Variants in REPS2 observed in about 807,000 individuals in gnomAD.
REPS2 encodes the protein RALBP1 associated Eps domain containing 2, also known as ralBP1-associated Eps domain-containing protein 2.
In REPS2, 23 loss-of-function variants were observed where a neutral mutation model predicts 53.6. The ratio of observed to expected loss-of-function variants is 0.43; its 90% CI spans 0.31 to 0.61. The LOEUF (loss-of-function observed/expected upper bound fraction) is 0.61. REPS2 is among the 20% of genes least tolerant of loss of function. The probability of loss-of-function intolerance (pLI) is 0.11; values close to 1 mark genes in which losing one functional copy is unlikely to be tolerated. For missense variants in REPS2, 446 were observed against 534.9 expected (o/e 0.83, Z 1.64); for synonymous variants, 238 against 218.6 (o/e 1.09, Z -0.78).
At chrX:17,083,077 C>CTTTTTTT (rs746229224) in intron 13 of REPS2, among the ~76,000 whole-genome samples, 2 of 80,582 alleles carry the variant, frequency 2.5e-5, no homozygotes, top group Non-Finnish European at 4.6e-5. Flanking sequence ...GTTCCGAGCA[C>CTTTTTTT]TTTTTTTTTT....
intron 5 of REPS2, among the ~76,000 whole-genome samples, chrX:17,045,125 G>A (rs949020516): frequency 4.8e-5 from 5 of 104,500 alleles, no homozygotes; most frequent in African/African-American, 1.7e-4. Flanking sequence ...TAGAGACGGG[G>A]TTTCACCATG....
At chrX:17,010,441 A>G (rs2061414417) in intron 2 of REPS2, among the ~76,000 whole-genome samples, 2 of 112,105 alleles carry the variant, frequency 1.8e-5, no homozygotes, top group African/African-American at 6.5e-5. Context: ...CTAGGAAGTG[A>G]GGTGATCCTT....
At chrX:16,980,878 T>C (rs2061012630) in intron 1 of REPS2, among the ~76,000 whole-genome samples, 1 of 112,206 alleles carries the variant, frequency 8.9e-6, no homozygotes, top group African/African-American at 3.2e-5. Context: ...GATCGCAGTT[T>C]AAGAAAGAGT....
chrX:17,027,205 G>A (rs769094398), intron 4 of REPS2, among the ~76,000 whole-genome samples: 13 of 111,216 alleles, frequency 1.2e-4, no homozygotes, highest in Non-Finnish European at 2.1e-4. Context: ...GACCCTCTCC[G>A]GTCACTCCCT....
At chrX:16,969,722 A>AGGGAGAGGGAGACCGTG in intron 1 of REPS2, among the ~76,000 whole-genome samples, 1 of 93,608 alleles carries the variant, frequency 1.1e-5, no homozygotes, top group Non-Finnish European at 2.1e-5. Context: ...GTGGAAAGAG[A>AGGGAGAGGGAGACCGTG]GGGAGAGGGA....
chrX:17,007,424 A>G (rs1436539976), intron 2 of REPS2, among the ~76,000 whole-genome samples: 1 of 112,192 alleles, frequency 8.9e-6, no homozygotes, highest in African/African-American at 3.2e-5. Context: ...GCGATAACAA[A>G]TGTCACAATC....
Position 17,045,210 on chromosome X carries a change from C to T in REPS2, c.772-2137C>T, listed in dbSNP as rs575909047. Among the ~76,000 whole-genome samples the T allele has an allele frequency of 1.5e-4, 16 of 106,658 alleles. No individual in the cohort carries two copies. The South Asian group carries it at 5.6e-3, about 38-fold the overall frequency. The allele number at this position is 106,658 out of a possible 115,157, so 92.6% of individuals were successfully genotyped here. A position where few individuals can be genotyped will look rare whatever the true frequency, so the allele number is the denominator to read the frequency against. ...AGCCTCCCAAAGTTCTGGGATTACACGTGTGAACCACTGCTCTGGGCCTGT... is the reference window on the plus strand; with the variant it reads ...AGCCTCCCAAAGTTCTGGGATTACATGTGTGAACCACTGCTCTGGGCCTGT... On this transcript the variant is annotated intron_variant, in intron 5 of 17. Coordinates refer to ENST00000357277, the MANE Select transcript of REPS2 (RefSeq NM_004726.3).
the REPS2 span, among the ~76,000 whole-genome samples, chrX:17,159,653 A>G: frequency 1.2e-3 from 136 of 111,332 alleles, 2 homozygotes; most frequent in East Asian, 0.031. Flanking sequence ...CCAGCCCCCC[A>G]ATGCACATCA....
At chrX:17,080,856 GGGGACCACTTCTTTCTT>G (rs1945027952) in intron 13 of REPS2, among the ~76,000 whole-genome samples, 1 of 111,558 alleles carries the variant, frequency 9.0e-6, no homozygotes, top group Admixed American at 9.5e-5. Flanking sequence ...GCCTAACCAC[GGGGACCACTTCTTTCTT>G]CTTCATTTTG....
At chrX:16,984,213 A>G (rs1450143053) in intron 1 of REPS2, among the ~76,000 whole-genome samples, 3 of 112,150 alleles carry the variant, frequency 2.7e-5, no homozygotes, top group African/African-American at 9.7e-5. Flanking sequence ...TGATTGGAGC[A>G]GGAAGATCCA....
downstream of REPS2, among the ~76,000 whole-genome samples, chrX:17,154,305 C>T (rs945939162): frequency 9.0e-6 from 1 of 111,633 alleles, no homozygotes; most frequent in African/African-American, 3.3e-5. Flanking sequence ...TTCCCATGAC[C>T]CTCCTTCCAT....
chrX:17,085,020 C>T (rs966071837), intron 13 of REPS2, among the ~76,000 whole-genome samples: 2 of 112,123 alleles, frequency 1.8e-5, no homozygotes, highest in African/African-American at 3.2e-5. Context: ...CTTACATTTA[C>T]GTCTTCGTTC....
intron 2 of REPS2, among the ~76,000 whole-genome samples, chrX:17,017,050 T>A (rs1189914911): frequency 9.0e-6 from 1 of 111,301 alleles, no homozygotes; most frequent in African/African-American, 3.3e-5. Context: ...CAGTTCACTG[T>A]AACCTCCACC....
At chrX:17,189,152 G>A in the REPS2 span, among the ~76,000 whole-genome samples, 1 of 111,784 alleles carries the variant, frequency 8.9e-6, no homozygotes, top group Non-Finnish European at 1.9e-5. Flanking sequence ...AAAGGTTCCT[G>A]CTGCTTGAAG....
chrX:16,951,500 T>TACACACACACACACACACACAC (rs1157042780), intron 1 of REPS2, among the ~76,000 whole-genome samples: 2 of 60,110 alleles, frequency 3.3e-5, no homozygotes, highest in African/African-American at 6.6e-5. Context: ...AAACCCCATC[T>TACACACACACACACACACACAC]ACACACACAC....
intron 9 of REPS2, among the ~76,000 whole-genome samples, chrX:17,068,174 C>T (rs1481560478): frequency 1.8e-5 from 2 of 110,063 alleles, no homozygotes; most frequent in East Asian, 2.9e-4. Context: ...ATTAGCCAGG[C>T]GTGGTGGCGG....
At chrX:16,969,969 C>G (rs1000248131) in intron 1 of REPS2, among the ~76,000 whole-genome samples, 2 of 111,979 alleles carry the variant, frequency 1.8e-5, no homozygotes, top group Non-Finnish European at 3.8e-5. Flanking sequence ...TTGCTTTCTA[C>G]TTTTGGGCTT....
intron 16 of REPS2, chrX:17,137,783 A>AT (rs947677238): frequency 3.6e-5 from 4 of 110,680 alleles, no homozygotes; most frequent in African/African-American, 1.3e-4. Flanking sequence ...ATTTCATTTT[A>AT]TTTTTTATAG....
chrX:17,065,157 G>T (rs952576947), intron 9 of REPS2, among the ~76,000 whole-genome samples: 5 of 112,043 alleles, frequency 4.5e-5, no homozygotes, highest in African/African-American at 1.6e-4. Context: ...GAGTGGAGTT[G>T]TTGGATTGTA....
Sources: allele counts gnomAD v4.1 joint callset (sites outside exome capture counted in the v4.1 genomes callset), GRCh38; gene constraint gnomAD v4.1.1; transcripts MANE v1.5; gene names NCBI Gene and HGNC (gene_info 2026-07-23, HGNC 2026-07-21).